CIB1: variants seen among roughly 807,000 people sequenced by gnomAD.
The protein encoded by CIB1 is calcium and integrin-binding protein 1.
CIB1 carries 19 observed loss-of-function variants against 25.0 expected under a neutral mutation model. The ratio of observed to expected loss-of-function variants is 0.76; its 90% confidence interval spans 0.53 to 1.12. The LOEUF is 1.12. Among genes scored for constraint, CIB1 ranks in the 50% most tolerant of loss-of-function variants. CIB1 has a pLI of 0.00. For missense variants in CIB1, 236 were observed against 242.6 expected, an observed-to-expected ratio of 0.97 and a Z score of 0.18; for synonymous variants, 104 against 98.5, an observed-to-expected ratio of 1.06 and a Z score of -0.33.
upstream of CIB1, among the ~76,000 whole-genome samples, chr15:90,237,524 T>A (rs1029681197): frequency 6.6e-6 from 1 of 152,090 alleles, no homozygotes; most frequent in South Asian, 2.1e-4. Context: ...GACCTCGTGA[T>A]TCACCTGCGT....
the CIB1 span, among the ~76,000 whole-genome samples, chr15:90,256,680 TTCTC>T: frequency 7.3e-5 from 11 of 151,016 alleles, 3 homozygotes; most frequent in South Asian, 2.1e-3. Context: ...TCTTCCTTCT[TTCTC>T]TCTACCTCTC....
the CIB1 span, among the ~76,000 whole-genome samples, chr15:90,252,866 G>A: frequency 6.6e-6 from 1 of 152,120 alleles, no homozygotes; most frequent in African/African-American, 2.4e-5. Flanking sequence ...ACCCAGGTGT[G>A]GTGGTGGGCG....
the CIB1 span, chr15:90,250,991 C>T: frequency 6.9e-7 from 1 of 1,440,990 alleles, no homozygotes; most frequent in Non-Finnish European, 9.4e-7. Flanking sequence ...TCCCTTTAGC[C>T]TACAAAAGAG....
At chr15:90,263,802 GGT>G in the CIB1 span, 2 of 707,772 alleles carry the variant, frequency 2.8e-6, no homozygotes, top group African/African-American at 3.5e-5. Context: ...TGGTCCTACT[GGT>G]GCTCCTAAGA....
chr15:90,251,666 A>C, the CIB1 span: 138 of 1,553,754 alleles, frequency 8.9e-5, no homozygotes, highest in Non-Finnish European at 1.2e-4. Flanking sequence ...TTCCTCTGGA[A>C]TGGACCCCCG....
At chr15:90,234,294 TAGGTGG>T (rs1962585298), upstream of CIB1, 1 of 171,492 alleles carries the variant, frequency 5.8e-6, no homozygotes, top group Non-Finnish European at 1.2e-5. Flanking sequence ...TCGGCTGCAG[TAGGTGG>T]TGGCGGCGGC....
Position 90,231,123 on chromosome 15 carries a change from G to A in CIB1, c.437C>T (p.Ala146Val), listed in dbSNP as rs560810851. The A allele has an allele frequency of 1.5e-5, 25 of 1,614,182 alleles. No individual in the cohort carries two copies. The highest frequency in any genetic ancestry group is 2.2e-5 in the South Asian group (2 of 91,086). ...TGEGEDTRLS[A>V]SEMKQLIDNI... is the part of the protein sequence containing the mutation. The stretch of plus-strand genomic sequence containing the variant: ...GTCGATGAGCTGCTTCATCTCAGAC[G>A]CACTAAGCCGTGTGTCCTCGCCCTC... The change falls in exon 5 of 7, where the codon GCG becomes GTG. Residue 146 changes from alanine (A) to valine (V), a missense_variant. Physicochemically the swap from Ala to Val is moderately conservative, Grantham distance 64 (BLOSUM62 0). Coordinates refer to ENST00000328649, the MANE Select transcript of CIB1 (RefSeq NM_006384.4).
chr15:90,247,798 C>T, the CIB1 span, among the ~76,000 whole-genome samples: 10 of 150,100 alleles, frequency 6.7e-5, no homozygotes, highest in East Asian at 1.4e-3. Context: ...TGCAGTGGCG[C>T]GATCTCCGTT....
chr15:90,236,736 C>T (rs1425143812), upstream of CIB1, among the ~76,000 whole-genome samples: 1 of 151,764 alleles, frequency 6.6e-6, no homozygotes, highest in Non-Finnish European at 1.5e-5. Context: ...CGGGGTTTCA[C>T]CATGTCGGCC....
chr15:90,263,039 C>T, the CIB1 span: 2 of 1,536,096 alleles, frequency 1.3e-6, no homozygotes, highest in South Asian at 2.4e-5. Context: ...CGGATGAAGG[C>T]CCTGCTACAA....
At chr15:90,247,027 G>A in the CIB1 span, among the ~76,000 whole-genome samples, 2 of 150,866 alleles carry the variant, frequency 1.3e-5, no homozygotes, top group African/African-American at 2.4e-5. Context: ...CCAGGCTGGA[G>A]TGCAGTGGCA....
At chr15:90,262,269 G>A in the CIB1 span, 3 of 1,379,880 alleles carry the variant, frequency 2.2e-6, no homozygotes, top group Non-Finnish European at 2.9e-6. Context: ...AGCAGGGAAA[G>A]AGGAAGCCAG....
chr15:90,235,940 C>CA (rs1316061254), upstream of CIB1: 1 of 152,110 alleles, frequency 6.6e-6, no homozygotes, highest in Non-Finnish European at 1.5e-5. Flanking sequence ...AAAGCTTAGG[C>CA]AAAAAGCAAG....
the CIB1 span, among the ~76,000 whole-genome samples, chr15:90,252,072 T>C: frequency 7.8e-6 from 1 of 127,422 alleles, no homozygotes; most frequent in East Asian, 3.5e-4. Context: ...CGAGTTTTGC[T>C]CTTGTTGCCC....
chr15:90,254,491 T>TA, the CIB1 span, among the ~76,000 whole-genome samples: 535 of 84,194 alleles, frequency 6.4e-3, 6 homozygotes, highest in African/African-American at 0.016. Flanking sequence ...AGACTCCATC[T>TA]AAAAAAAAAA....
At chr15:90,265,548 G>C in the CIB1 span, 1 of 1,394,464 alleles carries the variant, frequency 7.2e-7, no homozygotes, top group Non-Finnish European at 9.5e-7. Flanking sequence ...CAGGCAGAAA[G>C]GGTGGGCCAC....
chr15:90,261,446 TA>T, the CIB1 span, among the ~76,000 whole-genome samples: 1 of 150,066 alleles, frequency 6.7e-6, no homozygotes, highest in African/African-American at 2.5e-5. Flanking sequence ...ATCAGAAACC[TA>T]AAAAACTATG....
At chr15:90,256,545 T>TTTTC in the CIB1 span, among the ~76,000 whole-genome samples, 4,116 of 104,856 alleles carry the variant, frequency 0.039, 167 homozygotes, top group Non-Finnish European at 0.054. Context: ...TCTCCTTCCT[T>TTTTC]TTTCTTTCTT....
chr15:90,261,118 A>G, the CIB1 span, among the ~76,000 whole-genome samples: 1 of 143,742 alleles, frequency 7.0e-6, no homozygotes, highest in Admixed American at 7.1e-5. Flanking sequence ...TCACTCTGTC[A>G]TCTAGGCTGG....
Sources: gnomAD v4.1 joint callset for allele counts (sites outside exome capture counted in the v4.1 genomes callset) on GRCh38, gnomAD v4.1.1 for gene constraint, MANE v1.5 for transcripts, NCBI Gene and HGNC (gene_info 2026-07-23, HGNC 2026-07-21) for gene names.